The following SNRK variants were observed in gnomAD, a reference collection of about 807,000 sequenced individuals.
The protein encoded by SNRK is SNF related kinase, also known as SNF-related serine/threonine-protein kinase.
SNRK carries 3 observed loss-of-function variants against 48.2 expected under a neutral mutation model. The observed-to-expected ratio is 0.06, with a 90% CI of 0.03 to 0.16. The LOEUF (loss-of-function observed/expected upper bound fraction) is 0.16, where lower values mean the gene tolerates loss of function less well. SNRK is among the 10% of genes least tolerant of loss of function. The pLI is 1.00. For synonymous variants in SNRK, 376 were observed against 366.1 expected (o/e 1.03, Z -0.31); for missense variants, 627 against 976.0 (o/e 0.64, Z 4.76).
At chr3:43,341,963 T>C (rs2091241358) in intron 5 of SNRK, among the ~76,000 whole-genome samples, 1 of 152,268 alleles carries the variant, frequency 6.6e-6, no homozygotes. Context: ...TCACAGCTAC[T>C]TAAATGACCT....
At chr3:43,329,516 C>A (rs1325604102) in intron 3 of SNRK, among the ~76,000 whole-genome samples, 2 of 152,146 alleles carry the variant, frequency 1.3e-5, no homozygotes, top group East Asian at 3.9e-4. Context: ...GTGGGAGAGT[C>A]ATTTGCCCTC....
chr3:43,307,865 T>C (rs559410576), intron 3 of SNRK, among the ~76,000 whole-genome samples: 23 of 152,200 alleles, frequency 1.5e-4, no homozygotes, highest in African/African-American at 5.5e-4. Flanking sequence ...GAGCAAGACA[T>C]AGTGAGGCAA....
intron 1 of SNRK, among the ~76,000 whole-genome samples, chr3:43,291,483 A>G (rs186219914): frequency 1.3e-5 from 2 of 152,296 alleles, no homozygotes; most frequent in East Asian, 1.9e-4. Context: ...AGAACTATAT[A>G]TACAACCCCT....
At chr3:43,333,914 G>A (rs996184856) in intron 4 of SNRK, among the ~76,000 whole-genome samples, 1 of 152,028 alleles carries the variant, frequency 6.6e-6, no homozygotes, top group Admixed American at 6.6e-5. Context: ...TAAGGAGGCC[G>A]AGACAGGCAG....
At chr3:43,346,322 G>A (rs1382146065) in intron 6 of SNRK, among the ~76,000 whole-genome samples, 1 of 152,120 alleles carries the variant, frequency 6.6e-6, no homozygotes, top group Non-Finnish European at 1.5e-5. Context: ...CACATACAGT[G>A]GCCACTGGTA....
At chr3:43,338,288 TTC>T (rs1207279683) in intron 4 of SNRK, among the ~76,000 whole-genome samples, 1 of 152,224 alleles carries the variant, frequency 6.6e-6, no homozygotes, top group East Asian at 1.9e-4. Flanking sequence ...GTGATAAGCA[TTC>T]TCAGTTTTTA....
intron 6 of SNRK, among the ~76,000 whole-genome samples, chr3:43,345,812 A>G (rs908646163): frequency 2.0e-5 from 3 of 152,256 alleles, no homozygotes; most frequent in Non-Finnish European, 4.4e-5. Context: ...GGTTTCTTAA[A>G]TTCTAGAACA....
intron 1 of SNRK, among the ~76,000 whole-genome samples, chr3:43,294,968 C>G (rs1364354404): frequency 6.6e-6 from 1 of 152,092 alleles, no homozygotes; most frequent in Non-Finnish European, 1.5e-5. Flanking sequence ...TCTATACACC[C>G]AGCTTTTGTT....
intron 3 of SNRK, among the ~76,000 whole-genome samples, chr3:43,328,248 G>T (rs1444490990): frequency 6.6e-6 from 1 of 151,278 alleles, no homozygotes; most frequent in Non-Finnish European, 1.5e-5. Flanking sequence ...TGCAGTCTTA[G>T]GATCTCAAGC....
intron 4 of SNRK, among the ~76,000 whole-genome samples, chr3:43,338,050 T>C (rs776838106): frequency 6.6e-6 from 1 of 152,210 alleles, no homozygotes; most frequent in Non-Finnish European, 1.5e-5. Context: ...GCGTCTGGCC[T>C]CTTTATTCTC....
chr3:43,296,415 C>CATATATATATATATATATATATATATAT (rs371078181), intron 1 of SNRK, among the ~76,000 whole-genome samples: 103 of 127,168 alleles, frequency 8.1e-4, no homozygotes, highest in East Asian at 3.4e-3. Flanking sequence ...GATATACTGG[C>CATATATATATATATATATATATATATAT]ATATATATAT....
At chr3:43,309,692 T>A (rs2125624435) in intron 3 of SNRK, among the ~76,000 whole-genome samples, 1 of 151,918 alleles carries the variant, frequency 6.6e-6, no homozygotes, top group South Asian at 2.1e-4. Flanking sequence ...TCATAGTTCG[T>A]TGCAGACTTG....
At chr3:43,293,487 A>G (rs887994130) in intron 1 of SNRK, among the ~76,000 whole-genome samples, 13 of 152,364 alleles carry the variant, frequency 8.5e-5, no homozygotes, top group African/African-American at 3.1e-4. Context: ...GTATGAAAGC[A>G]GCACATATGC....
rs1370129907 is a variant in SNRK at position 43,349,624 on chromosome 3, A to G, written c.*1067A>G. On this transcript the variant is annotated 3_prime_UTR_variant, in exon 7 of 7. Coordinates refer to ENST00000296088, the MANE Select transcript of SNRK (RefSeq NM_017719.5). ...AAAGGGTAAAATTCACACATACAGC[A>G]AACAAAAATGCACAAAGCCTGCTTC... is the stretch of plus-strand genomic sequence containing the variant. The G allele has an allele frequency of 1.3e-5, 2 of 151,888 alleles. No individual in the cohort carries two copies. Among genetic ancestry groups the G allele is most frequent in the Non-Finnish European group, 2.9e-5 (2 of 68,044 alleles). 9.4% of individuals were successfully genotyped at this position (151,888 alleles called of 1,614,324 possible).
At chr3:43,326,665 T>C (rs1313686797) in intron 3 of SNRK, among the ~76,000 whole-genome samples, 1 of 152,162 alleles carries the variant, frequency 6.6e-6, no homozygotes, top group African/African-American at 2.4e-5. Context: ...CTTCTTGATC[T>C]GGAAGTCAGA....
At chr3:43,337,658 T>G (rs895053227) in intron 4 of SNRK, among the ~76,000 whole-genome samples, 10 of 152,156 alleles carry the variant, frequency 6.6e-5, no homozygotes, top group African/African-American at 2.4e-4. Context: ...AGAGATTTAA[T>G]TGACTTGCAG....
intron 1 of SNRK, among the ~76,000 whole-genome samples, chr3:43,294,487 A>G (rs1362484341): frequency 1.3e-5 from 2 of 152,214 alleles, no homozygotes; most frequent in Non-Finnish European, 2.9e-5. Flanking sequence ...GATTGGTCAC[A>G]TGAGGGTTTT....
chr3:43,291,214 T>C (rs994097920), intron 1 of SNRK, among the ~76,000 whole-genome samples: 2 of 152,224 alleles, frequency 1.3e-5, no homozygotes, highest in Non-Finnish European at 2.9e-5. Flanking sequence ...CTTGGGCCTC[T>C]TTCCTGAAAA....
At position 43,348,467 on chromosome 3, in the gene SNRK, C is replaced by T. The variant is rs574755200; in HGVS notation, c.2208C>T (p.Cys736=). 22 of 1,607,898 alleles carry T rather than the reference C, an allele frequency of 1.4e-5. No individual in the cohort carries two copies. The highest frequency in any genetic ancestry group is 3.3e-4 in the Middle Eastern group (2 of 6,018). The part of the protein sequence containing the change: ...LKNNVLQLPL[C]EKTISVNIQR... ...ATAACGTGCTGCAGCTACCTCTGTG[C>T]GAAAAGACCATCTCTGTGAACATCC... Residue 736 remains cysteine (C), a synonymous_variant, in exon 7 of 7, where the codon TGC becomes TGT. Transcript: ENST00000296088.
Sources: allele counts gnomAD v4.1 joint callset (sites outside exome capture counted in the v4.1 genomes callset), GRCh38; gene constraint gnomAD v4.1.1; transcripts MANE v1.5; gene names NCBI Gene and HGNC (gene_info 2026-07-23, HGNC 2026-07-21).